Variants in B3GALT5 observed in about 807,000 individuals in gnomAD.
B3GALT5 encodes the protein UDP-Gal:betaGlcNAc beta 1,3-galactosyltransferase, polypeptide 5.
For missense variants in B3GALT5, 328 were observed against 396.6 expected (o/e 0.83, Z 1.47); for synonymous variants, 156 against 158.6 (o/e 0.98, Z 0.12).
chr21:39,645,597 G>A (rs535488385), intron 1 of B3GALT5, among the ~76,000 whole-genome samples: 203 of 152,296 alleles, frequency 1.3e-3, no homozygotes, highest in African/African-American at 4.6e-3. Context: ...TTTCACATCT[G>A]TGTGAGGTGG....
chr21:39,618,286 T>C (rs1018709031), intron 1 of B3GALT5, among the ~76,000 whole-genome samples: 30 of 152,234 alleles, frequency 2.0e-4, no homozygotes, highest in African/African-American at 6.8e-4. Context: ...CTCCTTTGCA[T>C]ACATGTTAGA....
chr21:39,634,780 A>T (rs1040804111), intron 1 of B3GALT5, among the ~76,000 whole-genome samples: 1 of 151,278 alleles, frequency 6.6e-6, no homozygotes, highest in African/African-American at 2.4e-5. Context: ...GTGATCTTGA[A>T]CCCGAGGAAC....
At chr21:39,651,711 A>C (rs1264090163) in intron 2 of B3GALT5, among the ~76,000 whole-genome samples, 4 of 152,150 alleles carry the variant, frequency 2.6e-5, no homozygotes, top group Non-Finnish European at 4.4e-5. Flanking sequence ...TTCACATCGC[A>C]CCGTAGTAGC....
At chr21:39,635,196 G>A (rs2146194187) in intron 1 of B3GALT5, among the ~76,000 whole-genome samples, 1 of 152,290 alleles carries the variant, frequency 6.6e-6, no homozygotes, top group Non-Finnish European at 1.5e-5. Flanking sequence ...TTGCTTGTTT[G>A]TAGATTTTGG....
chr21:39,638,796 C>G (rs1156563593), intron 1 of B3GALT5, among the ~76,000 whole-genome samples: 2 of 152,142 alleles, frequency 1.3e-5, no homozygotes, highest in African/African-American at 4.8e-5. Flanking sequence ...CTTTATGCTC[C>G]CCTAGAGGTT....
At chr21:39,653,116 C>T (rs941121822) in intron 2 of B3GALT5, among the ~76,000 whole-genome samples, 1 of 152,144 alleles carries the variant, frequency 6.6e-6, no homozygotes, top group African/African-American at 2.4e-5. Flanking sequence ...GTCAATAATT[C>T]TCCACCAAAG....
In B3GALT5 at chr21:39,663,807, G is replaced by C. The variant is rs60839114; in HGVS notation, c.*2315G>C. ...CCAGCTTGTTTGTTGCAGAAGGAGGGTTCCAGCTCAGCGTGGGTTTCCTGG... is the reference window on the plus strand; with the variant it reads ...CCAGCTTGTTTGTTGCAGAAGGAGGCTTCCAGCTCAGCGTGGGTTTCCTGG... On this transcript the variant is annotated 3_prime_UTR_variant, in exon 4 of 4. Coordinates refer to ENST00000684187, the MANE Select transcript of B3GALT5 (RefSeq NM_001356336.2). 2.0e-5 allele frequency: 3 copies of C among 152,238 alleles called. No homozygotes were observed. Among genetic ancestry groups the C allele is most frequent in the Admixed American group, 1.3e-4 (2 of 15,282 alleles). The allele number at this position is 152,238 out of a possible 1,614,324, so 9.4% of individuals were successfully genotyped here.
In B3GALT5 at chr21:39,665,005, A is replaced by G. The variant is rs2079566705; in HGVS notation, c.*3513A>G. 6.6e-6 allele frequency: 1 copy of G among 152,094 alleles called. No homozygotes were observed. The highest frequency in any genetic ancestry group is 1.5e-5 in the Non-Finnish European group (1 of 68,136). The allele number at this position is 152,094 out of a possible 1,614,324, so 9.4% of individuals were successfully genotyped here. A position where few individuals can be genotyped will look rare whatever the true frequency, so the allele number is the denominator to read the frequency against. ...AAATATGTTGATGATGTTTCCATTT[A>G]TCTCCAGCCTAGAACTCTTTCTTGC... On this transcript the variant is annotated 3_prime_UTR_variant, in exon 4 of 4. Coordinates refer to ENST00000684187, the MANE Select transcript of B3GALT5 (RefSeq NM_001356336.2).
chr21:39,637,569 C>T (rs1209795844), intron 1 of B3GALT5, among the ~76,000 whole-genome samples: 3 of 152,244 alleles, frequency 2.0e-5, no homozygotes, highest in African/African-American at 7.2e-5. Flanking sequence ...CTGTGTGTCC[C>T]AGTGTCCTTG....
chr21:39,618,398 T>C (rs2079117920), intron 1 of B3GALT5, among the ~76,000 whole-genome samples: 1 of 152,250 alleles, frequency 6.6e-6, no homozygotes, highest in Non-Finnish European at 1.5e-5. Flanking sequence ...CAATTTATGC[T>C]CCTACATACT....
At chr21:39,619,252 C>T (rs912712375) in intron 1 of B3GALT5, among the ~76,000 whole-genome samples, 4 of 152,200 alleles carry the variant, frequency 2.6e-5, no homozygotes, top group African/African-American at 9.7e-5. Context: ...TGAGGACCCT[C>T]TTCAGGGATG....
chr21:39,643,517 G>A (rs1372108166), intron 1 of B3GALT5, among the ~76,000 whole-genome samples: 2 of 152,140 alleles, frequency 1.3e-5, no homozygotes, highest in Admixed American at 6.5e-5. Flanking sequence ...CTCTGCTTTC[G>A]CAGCTGTTTT....
intron 1 of B3GALT5, among the ~76,000 whole-genome samples, chr21:39,638,020 G>A (rs2079241303): frequency 1.3e-5 from 2 of 152,148 alleles, no homozygotes; most frequent in Admixed American, 6.6e-5. Flanking sequence ...TAATGTCCTT[G>A]CCACACCGGG....
intron 2 of B3GALT5, chr21:39,657,631 AATTCTTC>A (rs2079459494): frequency 2.9e-6 from 1 of 346,322 alleles, no homozygotes; most frequent in Non-Finnish European, 5.2e-6. Flanking sequence ...CACGCTAGCC[AATTCTTC>A]TAAGAAATTT....
chr21:39,655,340 G>A (rs2079432331), intron 2 of B3GALT5, among the ~76,000 whole-genome samples: 2 of 152,234 alleles, frequency 1.3e-5, no homozygotes, highest in South Asian at 4.1e-4. Context: ...AGAAAAGCTG[G>A]CACATAACAT....
chr21:39,621,715 T>C (rs1223410798), intron 1 of B3GALT5, among the ~76,000 whole-genome samples: 1 of 152,136 alleles, frequency 6.6e-6, no homozygotes, highest in East Asian at 1.9e-4. Context: ...TTCATAGTAT[T>C]TTCTTATGAT....
intron 2 of B3GALT5, among the ~76,000 whole-genome samples, chr21:39,647,200 G>A (rs545089775): frequency 7.9e-5 from 12 of 152,356 alleles, no homozygotes; most frequent in African/African-American, 2.9e-4. Flanking sequence ...GGAACAACAG[G>A]ACATTGCCAG....
intron 1 of B3GALT5, among the ~76,000 whole-genome samples, chr21:39,627,761 T>C (rs1210963823): frequency 7.2e-5 from 11 of 152,136 alleles, no homozygotes; most frequent in Admixed American, 7.2e-4. Context: ...GGTGGAGAGG[T>C]GCTAGGATGT....
In B3GALT5 at chr21:39,667,789, C is replaced by T. The variant is rs2079591184; in HGVS notation, c.*6297C>T. 1 of 152,226 alleles carries T rather than the reference C, an allele frequency of 6.6e-6. No individual in the cohort carries two copies. Among genetic ancestry groups the T allele is most frequent in the African/African-American group, 2.4e-5 (1 of 41,444 alleles). 9.4% of individuals were successfully genotyped at this position (152,226 alleles called of 1,614,324 possible). ...AACTGGGGAAGAGGAGACCTTGCTT[C>T]CAGGGCTGGGCGACCCACTTACGGA... On this transcript the variant is annotated 3_prime_UTR_variant, in exon 4 of 4. Transcript: ENST00000684187.
Sources: gnomAD v4.1 joint callset for allele counts (sites outside exome capture counted in the v4.1 genomes callset) on GRCh38, gnomAD v4.1.1 for gene constraint, MANE v1.5 for transcripts, NCBI Gene and HGNC (gene_info 2026-07-23, HGNC 2026-07-21) for gene names.